Variants in PRR5L observed in about 807,000 individuals in gnomAD.
The protein encoded by PRR5L is proline-rich protein 5-like.
A neutral mutation model predicts 36.4 loss-of-function variants in PRR5L; 21 were observed. The observed-to-expected ratio is 0.58, with a 90% confidence interval of 0.41 to 0.83. PRR5L has a LOEUF of 0.83. PRR5L is among the 40% of genes least tolerant of loss of function. The pLI is 0.00. For missense variants in PRR5L, 381 were observed against 473.3 expected, an observed-to-expected ratio of 0.80 and a Z score of 1.81; for synonymous variants, 188 against 197.0, an observed-to-expected ratio of 0.95 and a Z score of 0.38.
chr11:36,345,886 C>A (rs774387274), intron 1 of PRR5L, among the ~76,000 whole-genome samples: 4 of 152,172 alleles, frequency 2.6e-5, no homozygotes, highest in Non-Finnish European at 5.9e-5. Context: ...TATTCTGTTT[C>A]CTAAAAGTAT....
chr11:36,390,561 CT>C (rs1857545657), intron 1 of PRR5L, among the ~76,000 whole-genome samples: 3 of 152,266 alleles, frequency 2.0e-5, no homozygotes, highest in African/African-American at 7.2e-5. Context: ...CTCCATTTGC[CT>C]TTCTGTAAGC....
At chr11:36,435,118 A>G (rs1590587387) in intron 5 of PRR5L, among the ~76,000 whole-genome samples, 1 of 152,128 alleles carries the variant, frequency 6.6e-6, no homozygotes, top group South Asian at 2.1e-4. Flanking sequence ...TTTGGGGTAA[A>G]TTATCCAGGT....
In PRR5L at chr11:36,351,620, TATATATTTATATAA is replaced by T. The variant is rs1565409017; in HGVS notation, c.-125-49370_-125-49357del. Among the ~76,000 whole-genome samples, 437 of 23,540 alleles carry T rather than the reference TATATATTTATATAA, an allele frequency of 0.019. 159 individuals are homozygous for T. In the Middle Eastern group the frequency reaches 0.2, roughly 11 times the overall value. 15.4% of individuals were successfully genotyped at this position (23,540 alleles called of 152,430 possible). On this transcript the variant is annotated intron_variant, in intron 1 of 8. Coordinates refer to ENST00000530639, the MANE Select transcript of PRR5L (RefSeq NM_001160167.2). ...TTATATAAATATATATTTATATATT[TATATATTTATATAA>T]ATATATATTTATATATTTATATAAA...
intron 1 of PRR5L, among the ~76,000 whole-genome samples, chr11:36,351,183 A>T (rs1270997672): frequency 2.4e-5 from 2 of 81,954 alleles, no homozygotes; most frequent in Non-Finnish European, 4.4e-5. Context: ...TCATTATATT[A>T]ATATTATTAA....
intron 1 of PRR5L, among the ~76,000 whole-genome samples, chr11:36,345,249 G>T (rs973883544): frequency 6.6e-6 from 1 of 152,154 alleles, no homozygotes; most frequent in Admixed American, 6.5e-5. Context: ...GCCCAAGGAA[G>T]TCCTTTGGAA....
intron 1 of PRR5L, among the ~76,000 whole-genome samples, chr11:36,342,681 G>A (rs1590459759): frequency 6.6e-6 from 1 of 152,270 alleles, no homozygotes; most frequent in East Asian, 1.9e-4. Flanking sequence ...GGAAACGGGT[G>A]GGATGGGGCA....
chr11:36,382,503 T>C (rs1168462507), intron 1 of PRR5L, among the ~76,000 whole-genome samples: 1 of 152,172 alleles, frequency 6.6e-6, no homozygotes, highest in Non-Finnish European at 1.5e-5. Flanking sequence ...AACCACAGAA[T>C]CCGATTCAGT....
At chr11:36,310,453 C>G (rs570677259) in intron 1 of PRR5L, among the ~76,000 whole-genome samples, 25 of 150,656 alleles carry the variant, frequency 1.7e-4, no homozygotes, top group Non-Finnish European at 3.1e-4. Context: ...GGAGCAGACC[C>G]TGAGACAAGG....
intron 1 of PRR5L, among the ~76,000 whole-genome samples, chr11:36,381,356 G>T (rs1857364000): frequency 1.4e-5 from 2 of 147,822 alleles, no homozygotes; most frequent in African/African-American, 5.0e-5. Context: ...AGCTGTTTAG[G>T]AACTGGAGTA....
chr11:36,330,090 T>TA (rs1856703675), intron 1 of PRR5L, among the ~76,000 whole-genome samples: 1 of 152,220 alleles, frequency 6.6e-6, no homozygotes, highest in South Asian at 2.1e-4. Context: ...TTATTAAACT[T>TA]ACGCAAATAG....
At chr11:36,389,355 A>G (rs1857519747) in intron 1 of PRR5L, among the ~76,000 whole-genome samples, 1 of 152,172 alleles carries the variant, frequency 6.6e-6, no homozygotes, top group African/African-American at 2.4e-5. Context: ...GAAGAACACA[A>G]TGTTGTATAA....
intron 4 of PRR5L, among the ~76,000 whole-genome samples, chr11:36,427,214 T>C (rs1858400516): frequency 6.6e-6 from 1 of 152,224 alleles, no homozygotes; most frequent in Non-Finnish European, 1.5e-5. Flanking sequence ...TCAGCTGTTT[T>C]TCTTTTTCAC....
At position 36,314,429 on chromosome 11, in the gene PRR5L, G is replaced by A. The variant is rs138971427; in HGVS notation, c.-126+17991G>A. Among the ~76,000 whole-genome samples the A allele has an allele frequency of 7.1e-3, 1,081 of 152,288 alleles. 11 individuals carry two copies. Among genetic ancestry groups the A allele is most frequent in the South Asian group, 0.021 (100 of 4,826 alleles). Reference sequence around the variant, plus strand: ...TAAGCTGGTGAGGTCTGAGGAGGGGGTGAGGGGACGTATATTGCACATACT... The same window carrying A: ...TAAGCTGGTGAGGTCTGAGGAGGGGATGAGGGGACGTATATTGCACATACT... On this transcript the variant is annotated intron_variant, in intron 1 of 8. Coordinates refer to ENST00000530639, the MANE Select transcript of PRR5L (RefSeq NM_001160167.2).
chr11:36,403,631 G>T (rs1475502350), intron 3 of PRR5L, among the ~76,000 whole-genome samples: 2 of 152,304 alleles, frequency 1.3e-5, no homozygotes, highest in East Asian at 1.9e-4. Context: ...AGAGTTGATA[G>T]ATGGCAGCTG....
rs148847646 is a variant in PRR5L, at chr11:36,309,919, G to A, written c.-126+13481G>A. On this transcript the variant is annotated intron_variant, in intron 1 of 8. Transcript: ENST00000530639. ...CCATGATTATCCCGTTAGTTATGTG[G>A]CAATTCTTTGACTCCATGTCAAAGA... Among the ~76,000 whole-genome samples the A allele has an allele frequency of 3.1e-3, 10 of 3,222 alleles. No individual in the cohort carries two copies. In the East Asian group the frequency reaches 0.06, roughly 19 times the overall value. The allele number at this position is 3,222 out of a possible 152,430, so 2.1% of individuals were successfully genotyped here. A position where few individuals can be genotyped will look rare whatever the true frequency, so the allele number is the denominator to read the frequency against.
chr11:36,307,964 T>C (rs1396622370), intron 1 of PRR5L, among the ~76,000 whole-genome samples: 1 of 152,208 alleles, frequency 6.6e-6, no homozygotes, highest in Admixed American at 6.5e-5. Flanking sequence ...ACAGGCACAC[T>C]GTATGTCTCA....
intron 8 of PRR5L, chr11:36,454,873 C>T (rs554872285): frequency 6.6e-6 from 1 of 152,390 alleles, no homozygotes; most frequent in Non-Finnish European, 1.5e-5. Flanking sequence ...GCCGCTCTCT[C>T]CAAAGCAGCC....
intron 6 of PRR5L, among the ~76,000 whole-genome samples, chr11:36,439,764 G>C (rs930269765): frequency 6.6e-6 from 1 of 152,056 alleles, no homozygotes; most frequent in African/African-American, 2.4e-5. Context: ...GCTGATCCAG[G>C]TTCACATATT....
intron 8 of PRR5L, among the ~76,000 whole-genome samples, chr11:36,452,708 G>T (rs763959014): frequency 6.6e-6 from 1 of 152,266 alleles, no homozygotes; most frequent in Admixed American, 6.5e-5. Flanking sequence ...CATCCAGGGA[G>T]CTGTCAGGAC....
Sources: allele counts gnomAD v4.1 joint callset (sites outside exome capture counted in the v4.1 genomes callset), GRCh38; gene constraint gnomAD v4.1.1; transcripts MANE v1.5; gene names NCBI Gene and HGNC (gene_info 2026-07-23, HGNC 2026-07-21).